Variants in PLEKHM1 observed in about 807,000 individuals in gnomAD.
PLEKHM1 encodes the protein pleckstrin homology domain-containing family M member 1.
PLEKHM1 carries 28 observed loss-of-function variants against 94.3 expected under a neutral mutation model. That is an observed-to-expected ratio of 0.30 (90% confidence interval 0.22 to 0.41). PLEKHM1 has a LOEUF of 0.41. Among genes scored for constraint, PLEKHM1 ranks in the 10% least tolerant of loss-of-function variants. PLEKHM1 has a pLI of 1.00. For missense variants in PLEKHM1, 907 were observed against 1,358.6 expected (o/e 0.67, Z 5.22); for synonymous variants, 424 against 581.2 (o/e 0.73, Z 3.89).
intron 9 of PLEKHM1, 71 bp from the exon 10 acceptor site, chr17:45,440,297 C>T (rs2050407187): frequency 3.4e-6 from 5 of 1,459,586 alleles, no homozygotes; most frequent in Non-Finnish European, 4.8e-6. Flanking sequence ...TGTTTGTTTA[C>T]ACTCCCCTGG....
intron 2 of PLEKHM1, among the ~76,000 whole-genome samples, chr17:45,478,786 A>G (rs2051842749): frequency 6.6e-6 from 1 of 151,734 alleles, no homozygotes; most frequent in Admixed American, 6.6e-5. Flanking sequence ...AGCTGTGATC[A>G]CACCACTGTA....
chr17:45,443,252 A>G (rs1303215077), intron 9 of PLEKHM1, among the ~76,000 whole-genome samples: 1 of 151,994 alleles, frequency 6.6e-6, no homozygotes, highest in Non-Finnish European at 1.5e-5. Context: ...CCCTCAGGGC[A>G]CACACGATGC....
At chr17:45,490,604 C>T (rs1051215955) in intron 1 of PLEKHM1, 48 bp downstream of exon 1, 8 of 426,390 alleles carry the variant, frequency 1.9e-5, no homozygotes, top group African/African-American at 1.7e-4. Context: ...GCGCCTCGGC[C>T]CTCCCACCAC....
rs764405883 is a variant in PLEKHM1 at position 45,468,568 on chromosome 17, G to C, written c.949C>G (p.Gln317Glu). 2.5e-6 allele frequency: 4 copies of C among 1,614,194 alleles called. No homozygotes were observed. In the South Asian group the frequency reaches 3.3e-5, roughly 13 times the overall value. ...CCGTTGGTTGGCACAGAGTTTACCT[G>C]GGCTTTGCTGAATTCCAACAATACC... ...QEVLLEFSKA[Q>E]VNSVPTNGLS... The change falls in exon 5 of 12, where the codon CAG (glutamine) becomes GAG (glutamate). Residue 317 changes from glutamine to glutamate, a missense_variant. By Grantham distance (29) the Gln-to-Glu change is conservative. Transcript: ENST00000430334.
Position 45,445,002 on chromosome 17 carries a change from C to T in PLEKHM1, c.2837+468G>A, listed in dbSNP as rs1432360936. 3.9e-5 allele frequency among the ~76,000 whole-genome samples: 6 copies of T among 152,106 alleles called. No individual in the cohort carries two copies. The highest frequency in any genetic ancestry group is 3.3e-4 in the Admixed American group (5 of 15,274). On this transcript the variant is annotated intron_variant, in intron 9 of 11. Transcript: ENST00000430334. The surrounding 1 kb of genome is among the most constrained non-coding windows in gnomAD (Gnocchi z 4.2). Reference sequence around the variant, plus strand: ...TGGAGTTGCTGGCTTTCCTACTTGTCTTCCCTGCCAGGCCAGAGACTTCCG... The same window carrying T: ...TGGAGTTGCTGGCTTTCCTACTTGTTTTCCCTGCCAGGCCAGAGACTTCCG...
At chr17:45,473,921 T>G (rs1457186912) in intron 4 of PLEKHM1, among the ~76,000 whole-genome samples, 1 of 151,950 alleles carries the variant, frequency 6.6e-6, no homozygotes, top group Admixed American at 6.6e-5. Context: ...ATACAGGAAA[T>G]TATTATGGTT....
In PLEKHM1 at chr17:45,444,150, C is replaced by A. The variant is rs562980285; in HGVS notation, c.2837+1320G>T. 2.5e-3 allele frequency among the ~76,000 whole-genome samples: 386 copies of A among 152,302 alleles called. 1 individual carries two copies. The highest frequency in any genetic ancestry group is 8.7e-3 in the African/African-American group (360 of 41,568). ...AGGAGGCAGTCTTCAGAGAGGCGCT[C>A]TCTGGGCCAGCCCTGTGGGGAGGGA... is the stretch of plus-strand genomic sequence containing the variant. On this transcript the variant is annotated intron_variant, in intron 9 of 11. Coordinates refer to ENST00000430334, the MANE Select transcript of PLEKHM1 (RefSeq NM_014798.3). The surrounding 1 kb of genome is among the most constrained non-coding windows in gnomAD (Gnocchi z 5.0).
At chr17:45,476,130 AATATAT>A (rs67051615) in intron 3 of PLEKHM1, 1 of 175,268 alleles carries the variant, frequency 5.7e-6, no homozygotes, top group Non-Finnish European at 1.2e-5. Flanking sequence ...CAGCCTAGGC[AATATAT>A]ATATATATAT....
intron 1 of PLEKHM1, among the ~76,000 whole-genome samples, chr17:45,489,981 T>G (rs146172651): frequency 2.4e-3 from 362 of 152,252 alleles, no homozygotes; most frequent in African/African-American, 8.2e-3. Flanking sequence ...CTGTCCTCAG[T>G]ACGGCAGGAG....
At position 45,453,755 on chromosome 17, in the gene PLEKHM1, C is replaced by G; in HGVS notation, c.2097G>C (p.Met699Ile). The G allele has an allele frequency of 6.2e-7, 1 of 1,613,978 alleles. No homozygotes were observed. The highest frequency in any genetic ancestry group is 1.3e-5 in the African/African-American group (1 of 75,060). ...LLYLYMDRTWMPYIFSLSLEA... is the reference protein window; with the variant it reads ...LLYLYMDRTWIPYIFSLSLEA... ...CCAAGGACAGAGAAAATATATAGGG[C>G]ATCCAGGTCCTGTCCATGTACAAGT... The change falls in exon 7 of 12, where the codon ATG becomes ATC. Residue 699 changes from methionine to isoleucine, a missense_variant. By Grantham distance (10) the Met-to-Ile change is conservative. Transcript: ENST00000430334. This position sits in a 1 kb window ranked among gnomAD's most constrained non-coding sequence, Gnocchi z 4.1.
intron 4 of PLEKHM1, among the ~76,000 whole-genome samples, chr17:45,471,395 T>G (rs2051505876): frequency 6.8e-6 from 1 of 146,216 alleles, no homozygotes; most frequent in Admixed American, 6.9e-5. Context: ...TGGTAGTTCC[T>G]CAAGAAGTTA....
chr17:45,437,888 G>T lies in PLEKHM1; in HGVS notation c.3141C>A (p.Arg1047=). 1.2e-6 allele frequency: 2 copies of T among 1,613,966 alleles called. No homozygotes were observed. The highest frequency in any genetic ancestry group is 1.7e-6 in the Non-Finnish European group (2 of 1,180,004). ...KKGCPRCARR[R]KYQEQNIFA ...CGAAAATGTTCTGTTCCTGGTACTT[G>T]CGCCGGCGGGCACAGCGGGGGCAGC... Residue 1047 remains arginine (R), a synonymous_variant, in exon 12 of 12, where the codon CGC becomes CGA. Transcript: ENST00000430334. This position sits in a 1 kb window ranked among gnomAD's most constrained non-coding sequence, Gnocchi z 4.0.
Position 45,440,232 on chromosome 17 carries a change from A to G in PLEKHM1, c.2838-6T>C, listed in dbSNP as rs1033709275. 6.2e-6 allele frequency: 10 copies of G among 1,613,850 alleles called. No homozygotes were observed. The highest frequency in any genetic ancestry group is 1.7e-4 in the Middle Eastern group (1 of 6,060). ...GATAATTCCTGTGGTTGAGCCTTCA[A>G]ACAAAACACAAGCGATTCTTTAGAA... On this transcript the variant is annotated splice_region_variant and splice_polypyrimidine_tract_variant and intron_variant, in intron 9 of 11. Coordinates refer to ENST00000430334, the MANE Select transcript of PLEKHM1 (RefSeq NM_014798.3).
intron 8 of PLEKHM1, among the ~76,000 whole-genome samples, chr17:45,449,599 AACCCATCC>A (rs2050709495): frequency 6.9e-6 from 1 of 144,320 alleles, no homozygotes; most frequent in Non-Finnish European, 1.5e-5. Flanking sequence ...TCCATCCACC[AACCCATCC>A]ACCTAGCCAC....
rs1223409156 is a variant in PLEKHM1, at chr17:45,436,032, T to C, written c.*1826A>G. On this transcript the variant is annotated 3_prime_UTR_variant, in exon 12 of 12. Transcript: ENST00000430334. The stretch of plus-strand genomic sequence containing the variant: ...GAACAGTGTATTGCATAAAATAACA[T>C]TTTAAAAATAGTGTGGGCACTACCT... 4.4e-6 allele frequency: 2 copies of C among 456,644 alleles called. No homozygotes were observed. Among genetic ancestry groups the C allele is most frequent in the South Asian group, 3.1e-5 (2 of 64,576 alleles). The allele number at this position is 456,644 out of a possible 1,614,324, so 28.3% of individuals were successfully genotyped here.
intron 11 of PLEKHM1, among the ~76,000 whole-genome samples, chr17:45,438,397 C>T (rs1246783530): frequency 3.3e-5 from 5 of 151,690 alleles, no homozygotes; most frequent in African/African-American, 9.7e-5. Context: ...CCGGGCGTGG[C>T]GGTGTGTGCC....
intron 5 of PLEKHM1, chr17:45,459,396 TTCTTTC>T (rs2051083467): frequency 1.3e-5 from 2 of 152,256 alleles, no homozygotes; most frequent in Admixed American, 6.5e-5. Flanking sequence ...TTGTGCCTGC[TTCTTTC>T]TCTTAGTGGG....
At position 45,450,409 on chromosome 17, in the gene PLEKHM1, C is replaced by G. The variant is rs542922950; in HGVS notation, c.2643+209G>C. Among the ~76,000 whole-genome samples the G allele has an allele frequency of 2.6e-5, 4 of 152,366 alleles. No individual in the cohort carries two copies. In the East Asian group the frequency reaches 5.8e-4, roughly 22 times the overall value. The stretch of plus-strand genomic sequence containing the variant: ...AACTCTTTCCTCCTGGGGACCAAGA[C>G]AGCCACCGATAGAGCCCTGCCCAAG... On this transcript the variant is annotated intron_variant, in intron 8 of 11. Transcript: ENST00000430334.
intron 1 of PLEKHM1, among the ~76,000 whole-genome samples, chr17:45,486,856 T>G (rs9899111): frequency 0.15 from 22,451 of 152,180 alleles, 1,851 homozygotes; most frequent in Middle Eastern, 0.21. Flanking sequence ...GTCAGTGACA[T>G]AAGAACTCAC....
Sources: allele counts gnomAD v4.1 joint callset (sites outside exome capture counted in the v4.1 genomes callset), GRCh38; gene constraint gnomAD v4.1.1; non-coding constraint Gnocchi (gnomAD v3.1); transcripts MANE v1.5; gene names NCBI Gene and HGNC (gene_info 2026-07-23, HGNC 2026-07-21).